Variants in USP34 observed in about 807,000 individuals in gnomAD.
USP34 encodes the protein ubiquitin carboxyl-terminal hydrolase 34.
USP34 carries 70 observed loss-of-function variants against 460.3 expected under a neutral mutation model. That is an observed-to-expected ratio of 0.15 (90% CI 0.13 to 0.19). The LOEUF (loss-of-function observed/expected upper bound fraction) is 0.19. Among genes scored for constraint, USP34 ranks in the 10% least tolerant of loss-of-function variants. USP34 has a pLI of 1.00. For synonymous variants in USP34, 1,647 were observed against 1,405.3 expected, an observed-to-expected ratio of 1.17 and a Z score of -3.85; for missense variants, 3,985 against 4,236.2, an observed-to-expected ratio of 0.94 and a Z score of 1.65.
chr2:61,414,317 G>A (rs557924708), intron 2 of USP34, among the ~76,000 whole-genome samples: 2 of 150,940 alleles, frequency 1.3e-5, no homozygotes, highest in Admixed American at 6.6e-5. Context: ...AATAACAAGG[G>A]CTACTGCTTC....
chr2:61,353,397 T>C (rs1692008978), intron 10 of USP34, among the ~76,000 whole-genome samples: 2 of 150,772 alleles, frequency 1.3e-5, no homozygotes, highest in South Asian at 4.2e-4. Context: ...GACGAATGTT[T>C]TTTTTTTTTT....
At chr2:61,428,578 C>T (rs573477759) in intron 1 of USP34, among the ~76,000 whole-genome samples, 1 of 152,152 alleles carries the variant, frequency 6.6e-6, no homozygotes, top group Non-Finnish European at 1.5e-5. Flanking sequence ...TAACCTGAAT[C>T]TGATCAAGCC....
chr2:61,214,752 GC>G, intron 67 of USP34, 58 bp from the exon 68 acceptor site: 1 of 1,552,574 alleles, frequency 6.4e-7, no homozygotes, highest in Non-Finnish European at 8.7e-7. Context: ...AGACTGAACA[GC>G]AGTCATTAAT....
intron 1 of USP34, among the ~76,000 whole-genome samples, chr2:61,470,319 GGGCGAAGGA>G (rs1285342458): frequency 1.3e-5 from 2 of 152,122 alleles, no homozygotes; most frequent in Admixed American, 6.5e-5. Context: ...CTTCCCGGCA[GGGCGAAGGA>G]GGCGAAGGCG....
chr2:61,228,533 C>T lies in USP34; in HGVS notation c.7443+112G>A, dbSNP rs566356976. On this transcript the variant is annotated intron_variant, in intron 61 of 79. Transcript: ENST00000398571. The stretch of plus-strand genomic sequence containing the variant: ...ATCTTAGACCCTTCATATTATCTAA[C>T]ACCAGGTTCCAGAAGGGACTTTAAA... 6.6e-5 allele frequency: 55 copies of T among 831,548 alleles called. No homozygotes were observed. In the African/African-American group the frequency reaches 7.9e-4, roughly 12 times the overall value. 51.5% of individuals were successfully genotyped at this position (831,548 alleles called of 1,614,324 possible). A position where few individuals can be genotyped will look rare whatever the true frequency, so the allele number is the denominator to read the frequency against.
At chr2:61,290,697 T>C (rs1689824396) in intron 33 of USP34, among the ~76,000 whole-genome samples, 1 of 152,120 alleles carries the variant, frequency 6.6e-6, no homozygotes, top group South Asian at 2.1e-4. Context: ...TATTCTTTGT[T>C]TGGATGTTAG....
At chr2:61,199,930 A>C (rs922786998) in intron 75 of USP34, 4 of 152,386 alleles carry the variant, frequency 2.6e-5, no homozygotes, top group African/African-American at 9.6e-5. Flanking sequence ...ACTGTGAAGT[A>C]TCTATTAAAT....
At chr2:61,194,216 A>C (rs189397178) in intron 75 of USP34, 1 of 985,402 alleles carries the variant, frequency 1.0e-6, no homozygotes, top group East Asian at 1.1e-4. Context: ...TTTCCTGTCA[A>C]GATGAGTCCC....
At chr2:61,412,301 G>T (rs181707782) in intron 2 of USP34, among the ~76,000 whole-genome samples, 1 of 151,274 alleles carries the variant, frequency 6.6e-6, no homozygotes, top group Non-Finnish European at 1.5e-5. Flanking sequence ...AAAGATTTTA[G>T]CTGTAATTTA....
In USP34 at chr2:61,339,378, C is replaced by G; in HGVS notation, c.2717G>C (p.Gly906Ala). The change falls in exon 18 of 80, where the codon GGT (glycine) becomes GCT (alanine). Residue 906 changes from glycine (G) to alanine (A), a missense_variant. Gly to Ala is a moderately conservative substitution (Grantham distance 60, BLOSUM62 0). This residue lies in a region of USP34 where 46 missense variants were observed against 83.1 expected (regional missense o/e 0.55). Transcript: ENST00000398571. ...GTTGTTTCCCAAGTTTTCAAGGCAA[C>G]CTTCAATGAATCTCATTCGAATTTG... ...DRQIRMRFIE[G>A]CLENLGNNRS... 6.2e-7 allele frequency: 1 copy of G among 1,609,054 alleles called. No homozygotes were observed. The highest frequency in any genetic ancestry group is 2.2e-5 in the East Asian group (1 of 44,660).
intron 19 of USP34, 21 bp downstream of exon 19, chr2:61,333,860 CT>C (rs762485545): frequency 5.6e-6 from 8 of 1,435,874 alleles, no homozygotes; most frequent in Non-Finnish European, 6.5e-6. Flanking sequence ...AAAATAAATA[CT>C]TTTTTCTTTT....
chr2:61,189,239 A>G, intron 78 of USP34, 170 bp from the exon 79 acceptor site: 3 of 639,546 alleles, frequency 4.7e-6, no homozygotes, highest in Non-Finnish European at 7.5e-6. Flanking sequence ...GTGTTAAGAT[A>G]CTACAGCATT....
chr2:61,290,127 A>T (rs936552706), intron 33 of USP34, among the ~76,000 whole-genome samples: 2 of 152,194 alleles, frequency 1.3e-5, no homozygotes, highest in African/African-American at 4.8e-5. Flanking sequence ...CAATGAAGGA[A>T]GGACAAGTGA....
intron 34 of USP34, among the ~76,000 whole-genome samples, chr2:61,285,601 AC>A (rs1689665268): frequency 6.6e-6 from 1 of 152,134 alleles, no homozygotes; most frequent in African/African-American, 2.4e-5. Flanking sequence ...TCTGCATACC[AC>A]TGAACTGGGG....
At position 61,378,374 on chromosome 2, in the gene USP34, C is replaced by A. The variant is rs372897953; in HGVS notation, c.1065G>T (p.Ser355=). 4 of 1,591,612 alleles carry A rather than the reference C, an allele frequency of 2.5e-6. No homozygotes were observed. The South Asian group carries it at 4.7e-5, about 19-fold the overall frequency. The change falls in exon 8 of 80, where the codon TCG becomes TCT. Residue 355 remains serine, a synonymous_variant. Transcript: ENST00000398571. ...NDVCNNESLV[S]DTETSIAKEL... ...ATGCTCCTACTTACGTTTCTGTGTC[C>A]GATACTAATGATTCATTATTGCACA...
chr2:61,374,709 A>C (rs1199189433), intron 8 of USP34, among the ~76,000 whole-genome samples: 4 of 151,864 alleles, frequency 2.6e-5, no homozygotes, highest in Non-Finnish European at 5.9e-5. Context: ...TCTCAGGTTC[A>C]AGTGATTCAC....
chr2:61,295,020 C>A lies in USP34; in HGVS notation c.4390G>T (p.Asp1464Tyr), dbSNP rs1236239237. The A allele has an allele frequency of 2.5e-6, 4 of 1,611,970 alleles. No homozygotes were observed. Among genetic ancestry groups the A allele is most frequent in the Non-Finnish European group, 2.5e-6 (3 of 1,179,412 alleles). ...GAATCATCTGAATCTGGATAAAGAT[C>A]ACTGTAACTTCCCTATGAGAAAGGC... ...IRRESTGSYS[D>Y]LYPDSDDSSE... Residue 1464 changes from aspartate to tyrosine, a missense_variant, in exon 32 of 80, where the codon GAT (aspartate) becomes TAT (tyrosine). Coordinates refer to ENST00000398571, the MANE Select transcript of USP34 (RefSeq NM_014709.4).
At chr2:61,204,818 A>G (rs1461714929) in intron 72 of USP34, among the ~76,000 whole-genome samples, 1 of 152,218 alleles carries the variant, frequency 6.6e-6, no homozygotes, top group East Asian at 1.9e-4. Flanking sequence ...ACAAAAGATT[A>G]AAACACTATT....
intron 6 of USP34, among the ~76,000 whole-genome samples, chr2:61,382,445 T>C (rs1173190155): frequency 3.3e-5 from 5 of 152,200 alleles, no homozygotes; most frequent in Non-Finnish European, 5.9e-5. Context: ...TAATAATCAT[T>C]TGAATAGCTG....
Sources: allele counts gnomAD v4.1 joint callset (sites outside exome capture counted in the v4.1 genomes callset), GRCh38; gene constraint gnomAD v4.1.1; regional missense constraint gnomAD v4.1.1; transcripts MANE v1.5; gene names NCBI Gene and HGNC (gene_info 2026-07-23, HGNC 2026-07-21).